SLCO6A1: variants seen among roughly 807,000 people sequenced by gnomAD.
The protein encoded by SLCO6A1 is solute carrier organic anion transporter family member 6A1.
In SLCO6A1, 65 loss-of-function variants were observed where a neutral mutation model predicts 72.7. The ratio of observed to expected loss-of-function variants is 0.89; its 90% CI spans 0.73 to 1.10. SLCO6A1 has a LOEUF of 1.10. SLCO6A1 is among the 50% of genes least tolerant of loss of function. SLCO6A1 has a pLI of 0.00. For synonymous variants in SLCO6A1, 314 were observed against 298.2 expected (o/e 1.05, Z -0.55); for missense variants, 874 against 872.6 (o/e 1.00, Z -0.02).
chr5:102,427,612 G>C (rs1457690897), intron 7 of SLCO6A1, among the ~76,000 whole-genome samples: 1 of 151,788 alleles, frequency 6.6e-6, no homozygotes, highest in Non-Finnish European at 1.5e-5. Flanking sequence ...ACTTCAAAGA[G>C]ACATGACAAC....
intron 6 of SLCO6A1, among the ~76,000 whole-genome samples, chr5:102,442,790 G>A (rs372746270): frequency 4.6e-5 from 7 of 152,172 alleles, no homozygotes; most frequent in African/African-American, 1.4e-4. Flanking sequence ...CGGGTTGCGC[G>A]CAGTGGCTCA....
chr5:102,488,843 C>A (rs570606374), intron 1 of SLCO6A1, among the ~76,000 whole-genome samples: 5 of 152,260 alleles, frequency 3.3e-5, no homozygotes, highest in Non-Finnish European at 7.4e-5. Flanking sequence ...AAAAATTGAT[C>A]ATTTTTCATT....
At chr5:102,372,973 A>G (rs1428550506) in intron 13 of SLCO6A1, among the ~76,000 whole-genome samples, 1 of 151,874 alleles carries the variant, frequency 6.6e-6, no homozygotes, top group Non-Finnish European at 1.5e-5. Flanking sequence ...GGAGAAATAA[A>G]TATCTACTGC....
intron 6 of SLCO6A1, among the ~76,000 whole-genome samples, chr5:102,444,435 A>C (rs558209454): frequency 1.3e-5 from 2 of 152,300 alleles, no homozygotes; most frequent in African/African-American, 2.4e-5. Flanking sequence ...GTTAAAGAGG[A>C]GACCAATAAA....
At chr5:102,489,581 A>AT in intron 1 of SLCO6A1, among the ~76,000 whole-genome samples, 2 of 152,336 alleles carry the variant, frequency 1.3e-5, no homozygotes, top group South Asian at 4.1e-4. Context: ...AATGGCTGTT[A>AT]TCAAAAAGAC....
intron 1 of SLCO6A1, among the ~76,000 whole-genome samples, chr5:102,489,660 A>G (rs1156514310): frequency 6.6e-6 from 1 of 152,230 alleles, no homozygotes; most frequent in Non-Finnish European, 1.5e-5. Flanking sequence ...GAATTTATGT[A>G]AGAGTAACCA....
intron 8 of SLCO6A1, among the ~76,000 whole-genome samples, chr5:102,415,370 A>G (rs1278309136): frequency 6.6e-6 from 1 of 152,174 alleles, no homozygotes; most frequent in Non-Finnish European, 1.5e-5. Context: ...CCATATATCA[A>G]TGAAATAGAA....
At chr5:102,480,484 T>C in intron 1 of SLCO6A1, 50 bp from the exon 2 acceptor site, 1 of 1,533,092 alleles carries the variant, frequency 6.5e-7, no homozygotes, top group African/African-American at 1.4e-5. Context: ...TTTTAAGAGG[T>C]CATTATGATT....
intron 4 of SLCO6A1, among the ~76,000 whole-genome samples, chr5:102,460,446 G>T (rs1580467929): frequency 1.3e-5 from 2 of 152,138 alleles, no homozygotes; most frequent in South Asian, 4.2e-4. Context: ...GCTGGGATTT[G>T]TTATTATTCT....
intron 7 of SLCO6A1, among the ~76,000 whole-genome samples, chr5:102,431,107 T>C (rs115013577): frequency 0.013 from 1,951 of 152,182 alleles, 39 homozygotes; most frequent in African/African-American, 0.045. Context: ...AGTCTCTGAT[T>C]GTTATTTGTG....
At chr5:102,418,669 C>T (rs1285306399) in intron 8 of SLCO6A1, among the ~76,000 whole-genome samples, 1 of 152,072 alleles carries the variant, frequency 6.6e-6, no homozygotes, top group African/African-American at 2.4e-5. Context: ...AAATTAACTC[C>T]TGGCCAGGCC....
At chr5:102,411,222 T>C (rs192326964) in intron 9 of SLCO6A1, among the ~76,000 whole-genome samples, 2 of 152,066 alleles carry the variant, frequency 1.3e-5, no homozygotes, top group African/African-American at 2.4e-5. Context: ...GTAATATATA[T>C]ATATGTGTGT....
intron 4 of SLCO6A1, among the ~76,000 whole-genome samples, chr5:102,472,984 T>C (rs1751704808): frequency 6.6e-6 from 1 of 151,866 alleles, no homozygotes; most frequent in Non-Finnish European, 1.5e-5. Context: ...GAATCAGCCA[T>C]CAAAAACCTC....
At position 102,498,526 on chromosome 5, in the gene SLCO6A1, A is replaced by G; in HGVS notation, c.319T>C (p.Cys107Arg). The stretch of plus-strand genomic sequence containing the variant: ...AGGATGCAGTAGAAAATCATGAAGC[A>G]GCGAATGTTATTGCAACACTCACAG... ...TCCECCNNIR[C>R]FMIFYCILLI... is the part of the protein sequence containing the mutation. Residue 107 changes from cysteine to arginine, a missense_variant, in exon 1 of 14, where the codon TGC becomes CGC. Physicochemically the swap from Cys to Arg is radical, Grantham distance 180 (BLOSUM62 -3). Transcript: ENST00000506729. 1 of 1,614,120 alleles carries G rather than the reference A, an allele frequency of 6.2e-7. No individual in the cohort carries two copies. Among genetic ancestry groups the G allele is most frequent in the South Asian group, 1.1e-5 (1 of 91,088 alleles).
At chr5:102,460,944 A>C (rs201645499) in intron 4 of SLCO6A1, among the ~76,000 whole-genome samples, 1 of 13,834 alleles carries the variant, frequency 7.2e-5, no homozygotes, top group Non-Finnish European at 1.5e-4. Flanking sequence ...ATATATATAT[A>C]TATATATATA....
At chr5:102,411,140 T>G (rs1747953436) in intron 9 of SLCO6A1, among the ~76,000 whole-genome samples, 2 of 152,106 alleles carry the variant, frequency 1.3e-5, no homozygotes, top group African/African-American at 4.8e-5. Context: ...TCAGGCTGTT[T>G]CGTTCAACTT....
chr5:102,390,479 A>G (rs2112518749), intron 11 of SLCO6A1, among the ~76,000 whole-genome samples: 1 of 152,330 alleles, frequency 6.6e-6, no homozygotes, highest in Non-Finnish European at 1.5e-5. Context: ...TAAAATGGTC[A>G]TAATGTGCAT....
At chr5:102,399,833 C>G (rs553790026) in intron 9 of SLCO6A1, 91 bp from the exon 10 acceptor site, 1 of 814,300 alleles carries the variant, frequency 1.2e-6, no homozygotes, top group African/African-American at 1.7e-5. Flanking sequence ...TCAATAACTG[C>G]AAGGAGACTC....
chr5:102,460,847 A>G (rs760714118), intron 4 of SLCO6A1, among the ~76,000 whole-genome samples: 14 of 91,860 alleles, frequency 1.5e-4, no homozygotes, highest in Non-Finnish European at 2.8e-4. Context: ...TAAGGAATAG[A>G]AATTCCAATT....
Sources: allele counts gnomAD v4.1 joint callset (sites outside exome capture counted in the v4.1 genomes callset), GRCh38; gene constraint gnomAD v4.1.1; transcripts MANE v1.5; gene names NCBI Gene and HGNC (gene_info 2026-07-23, HGNC 2026-07-21).